Variants in FAR2 observed in about 807,000 individuals in gnomAD.
FAR2 encodes the protein epididymis secretory protein Li 81.
FAR2 carries 19 observed loss-of-function variants against 56.0 expected under a neutral mutation model. That is an observed-to-expected ratio of 0.34 (90% CI 0.24 to 0.50). The LOEUF (loss-of-function observed/expected upper bound fraction) is 0.50, where lower values mean the gene tolerates loss of function less well. FAR2 is among the 20% of genes least tolerant of loss of function. FAR2 has a pLI of 0.98. For missense variants in FAR2, 508 were observed against 642.2 expected (o/e 0.79, Z 2.26); for synonymous variants, 219 against 218.8 (o/e 1.00, Z -0.01).
chr12:29,288,084 A>G (rs148089309), intron 2 of FAR2, among the ~76,000 whole-genome samples: 1 of 152,314 alleles, frequency 6.6e-6, no homozygotes, highest in African/African-American at 2.4e-5. Flanking sequence ...TATTCATATA[A>G]TTAGAAGAGT....
At chr12:29,322,073 G>C in intron 10 of FAR2, 149 bp downstream of exon 10, 2 of 851,348 alleles carry the variant, frequency 2.3e-6, no homozygotes, top group Non-Finnish European at 1.7e-6. Context: ...ATCAGTCAAT[G>C]CTATCAACAC....
chr12:29,203,503 C>T (rs1947439676), intron 1 of FAR2, among the ~76,000 whole-genome samples: 1 of 152,074 alleles, frequency 6.6e-6, no homozygotes, highest in South Asian at 2.1e-4. Flanking sequence ...ATACTTGGGC[C>T]CAAGAAAATC....
At chr12:29,245,830 G>A (rs1311743198) in intron 1 of FAR2, among the ~76,000 whole-genome samples, 1 of 151,956 alleles carries the variant, frequency 6.6e-6, no homozygotes, top group Non-Finnish European at 1.5e-5. Flanking sequence ...ATACACATCG[G>A]ACTTTCTCAT....
intron 1 of FAR2, among the ~76,000 whole-genome samples, chr12:29,242,137 C>T (rs536277030): frequency 3.9e-5 from 6 of 152,302 alleles, no homozygotes; most frequent in Admixed American, 3.9e-4. Context: ...TTCAAGACTT[C>T]TGAGGAGCTA....
rs570357623 is a variant in FAR2 at position 29,220,297 on chromosome 12, G to A, written c.-38-50115G>A. ...CATCACCCACTCAAAGCTCTTTCCC[G>A]GAGTACAGTGCAAGACTTAGTCTAG... On this transcript the variant is annotated intron_variant, in intron 1 of 11. Transcript: ENST00000536681. Among the ~76,000 whole-genome samples the A allele has an allele frequency of 6.6e-5, 10 of 152,264 alleles. No individual in the cohort carries two copies. The East Asian group carries it at 1.9e-3, about 29-fold the overall frequency.
At chr12:29,233,528 T>C (rs1039713601) in intron 1 of FAR2, among the ~76,000 whole-genome samples, 4 of 152,184 alleles carry the variant, frequency 2.6e-5, no homozygotes, top group African/African-American at 4.8e-5. Context: ...GTACCATCTG[T>C]CAACTTCCTT....
intron 2 of FAR2, among the ~76,000 whole-genome samples, chr12:29,272,083 A>T (rs1047517458): frequency 6.6e-6 from 1 of 152,184 alleles, no homozygotes; most frequent in South Asian, 2.1e-4. Flanking sequence ...TTTCTCAGTT[A>T]TCTACCCCTA....
rs73271565 is a variant in FAR2, at chr12:29,289,965, C to T, written c.190-3335C>T. ...GTGCTCAACATCACTGATCATTAGA[C>T]ATGCAAATCAAAACTACAATGAGAT... On this transcript the variant is annotated intron_variant, in intron 2 of 11. Transcript: ENST00000536681. Among the ~76,000 whole-genome samples the T allele has an allele frequency of 8.4e-3, 1,284 of 152,232 alleles. 18 individuals carry two copies. The highest frequency in any genetic ancestry group is 0.03 in the African/African-American group (1,232 of 41,538).
chr12:29,244,800 C>A (rs942668495), intron 1 of FAR2, among the ~76,000 whole-genome samples: 1 of 152,160 alleles, frequency 6.6e-6, no homozygotes, highest in Non-Finnish European at 1.5e-5. Context: ...GGCTATACAA[C>A]AATGACTAAA....
At chr12:29,257,131 C>G (rs973475929) in intron 1 of FAR2, among the ~76,000 whole-genome samples, 1 of 152,228 alleles carries the variant, frequency 6.6e-6, no homozygotes, top group South Asian at 2.1e-4. Context: ...CGTGGAGAAC[C>G]TTTGTGTCTA....
intron 10 of FAR2, among the ~76,000 whole-genome samples, chr12:29,330,927 A>C (rs1267979496): frequency 3.9e-5 from 6 of 152,318 alleles, no homozygotes; most frequent in African/African-American, 1.4e-4. Flanking sequence ...AAATAGAATA[A>C]ATTGTTGTGT....
At chr12:29,172,682 T>TTTA (rs1409879932) in intron 1 of FAR2, among the ~76,000 whole-genome samples, 2 of 152,184 alleles carry the variant, frequency 1.3e-5, no homozygotes, top group Non-Finnish European at 2.9e-5. Context: ...TAAACTTATC[T>TTTA]TTTAGGACCA....
At chr12:29,269,488 G>A (rs758368867) in intron 1 of FAR2, among the ~76,000 whole-genome samples, 2 of 152,068 alleles carry the variant, frequency 1.3e-5, no homozygotes, top group Non-Finnish European at 2.9e-5. Context: ...TTATTACAGG[G>A]TCCTGAGGCG....
intron 1 of FAR2, among the ~76,000 whole-genome samples, chr12:29,209,251 T>C (rs1402453320): frequency 6.6e-6 from 1 of 152,180 alleles, no homozygotes; most frequent in Non-Finnish European, 1.5e-5. Flanking sequence ...TTTTCAGCAG[T>C]TATTGCCTTT....
chr12:29,158,915 G>T (rs537721561), intron 1 of FAR2, among the ~76,000 whole-genome samples: 2 of 152,274 alleles, frequency 1.3e-5, no homozygotes, highest in Admixed American at 6.5e-5. Context: ...CACATCTTAT[G>T]ACTGCAAATC....
At chr12:29,291,499 G>A (rs781491015) in intron 2 of FAR2, 51 of 453,052 alleles carry the variant, frequency 1.1e-4, no homozygotes, top group Admixed American at 2.9e-4. Flanking sequence ...GCAATGGTCC[G>A]TGTTTGCACT....
rs148410827 is a variant in FAR2 at position 29,159,677 on chromosome 12, G to A, written c.-39+10270G>A. On this transcript the variant is annotated intron_variant, in intron 1 of 11. Coordinates refer to ENST00000536681, the MANE Select transcript of FAR2 (RefSeq NM_001271783.2). ...TATTAGCTTGTGTGTCTCTCCTCTC[G>A]TTTACTCACTGTGTCACCAGGTCCT... is the stretch of plus-strand genomic sequence containing the variant. Among the ~76,000 whole-genome samples the A allele has an allele frequency of 1.4e-3, 212 of 152,208 alleles. 1 individual carries two copies. The South Asian group carries it at 0.02, about 14-fold the overall frequency.
At chr12:29,239,452 C>CTGTGTCTG (rs1555113007) in intron 1 of FAR2, among the ~76,000 whole-genome samples, 2 of 147,834 alleles carry the variant, frequency 1.4e-5, no homozygotes, top group Non-Finnish European at 3.0e-5. Context: ...AATGAATCAA[C>CTGTGTCTG]TGTGTGTGTG....
At chr12:29,183,975 A>G (rs1420914467) in intron 1 of FAR2, among the ~76,000 whole-genome samples, 1 of 152,342 alleles carries the variant, frequency 6.6e-6, no homozygotes, top group Middle Eastern at 3.4e-3. Context: ...GCAAATATCA[A>G]CACAGATTTG....
Sources: allele counts gnomAD v4.1 joint callset (sites outside exome capture counted in the v4.1 genomes callset), GRCh38; gene constraint gnomAD v4.1.1; transcripts MANE v1.5; gene names NCBI Gene and HGNC (gene_info 2026-07-23, HGNC 2026-07-21).